MTMR9: variants seen among roughly 807,000 people sequenced by gnomAD.
The protein encoded by MTMR9 is myotubularin related protein 9, also known as myotubularin-related protein 9.
MTMR9 carries 39 observed loss-of-function variants against 69.5 expected under a neutral mutation model. The observed-to-expected ratio is 0.56, with a 90% CI of 0.43 to 0.73. The LOEUF is 0.73. Among genes scored for constraint, MTMR9 ranks in the 30% least tolerant of loss-of-function variants. The pLI, the probability that MTMR9 is intolerant of heterozygous loss-of-function variation, is 0.00. For synonymous variants in MTMR9, 354 were observed against 240.8 expected, an observed-to-expected ratio of 1.47 and a Z score of -4.35; for missense variants, 900 against 671.2, an observed-to-expected ratio of 1.34 and a Z score of -3.77.
chr8:11,309,185 G>A (rs912082993), intron 5 of MTMR9, among the ~76,000 whole-genome samples: 2 of 151,988 alleles, frequency 1.3e-5, no homozygotes, highest in Non-Finnish European at 2.9e-5. Flanking sequence ...GTGTTAGATC[G>A]GTGGGAACAG....
chr8:11,329,854 C>T (rs1405742499), downstream of MTMR9, among the ~76,000 whole-genome samples: 4 of 151,922 alleles, frequency 2.6e-5, no homozygotes, highest in Admixed American at 6.5e-5. Context: ...GCCGCCATCC[C>T]GTCTAGGAAG....
At chr8:11,305,938 T>A (rs1176803927) in intron 4 of MTMR9, among the ~76,000 whole-genome samples, 1 of 152,224 alleles carries the variant, frequency 6.6e-6, no homozygotes, top group African/African-American at 2.4e-5. Context: ...ATATTTGATC[T>A]TAAAGAGGAG....
At chr8:11,298,299 C>G (rs1224374219) in intron 2 of MTMR9, among the ~76,000 whole-genome samples, 2 of 151,968 alleles carry the variant, frequency 1.3e-5, no homozygotes, top group Non-Finnish European at 2.9e-5. Flanking sequence ...GACGGCAGCC[C>G]TGAGTTAGGT....
At chr8:11,331,753 C>T (rs147147399), downstream of MTMR9, 49 of 1,611,952 alleles carry the variant, frequency 3.0e-5, no homozygotes, top group African/African-American at 5.9e-4. Context: ...CTGCACTTTC[C>T]CTCCTGCCTC....
chr8:11,300,527 A>AT (rs1316903302), intron 3 of MTMR9: 1 of 152,648 alleles, frequency 6.6e-6, no homozygotes, highest in East Asian at 1.9e-4. Flanking sequence ...CAGCTTTAAA[A>AT]TTTTTACTAG....
Position 11,309,573 on chromosome 8 carries a change from A to G in MTMR9, c.856A>G (p.Asn286Asp), listed in dbSNP as rs1800108436. The G allele has an allele frequency of 6.2e-7, 1 of 1,613,888 alleles. No individual in the cohort carries two copies. Among genetic ancestry groups the G allele is most frequent in the Non-Finnish European group, 8.5e-7 (1 of 1,179,812 alleles). Residue 286 changes from asparagine (N) to aspartate (D), a missense_variant, in exon 6 of 10, where the codon AAT (asparagine) becomes GAT (aspartate). Coordinates refer to ENST00000221086, the MANE Select transcript of MTMR9 (RefSeq NM_015458.4). ...ESLIKLVEACNDQTHNMDRWL... is the reference protein window; with the variant it reads ...ESLIKLVEACDDQTHNMDRWL... The stretch of plus-strand genomic sequence containing the variant: ...CTTAATCAAACTTGTGGAAGCTTGT[A>G]ATGACCAAACACATAACATGGACCG...
chr8:11,329,951 C>T (rs1346545748), downstream of MTMR9, among the ~76,000 whole-genome samples: 5 of 150,996 alleles, frequency 3.3e-5, no homozygotes, highest in Admixed American at 6.6e-5. Flanking sequence ...AGGTGAGAAG[C>T]GTCTCTGCCC....
At chr8:11,332,531 A>G (rs561971180), downstream of MTMR9, among the ~76,000 whole-genome samples, 1 of 152,262 alleles carries the variant, frequency 6.6e-6, no homozygotes, top group East Asian at 1.9e-4. Flanking sequence ...GAAATTTTGT[A>G]GCTGAAACGT....
At chr8:11,285,673 A>T (rs1799122053) in intron 1 of MTMR9, among the ~76,000 whole-genome samples, 1 of 152,162 alleles carries the variant, frequency 6.6e-6, no homozygotes, top group African/African-American at 2.4e-5. Flanking sequence ...AAGGAAAGGC[A>T]TGGACCAGTT....
At chr8:11,330,860 G>A (rs368965994), downstream of MTMR9, 23 of 680,910 alleles carry the variant, frequency 3.4e-5, no homozygotes, top group East Asian at 4.3e-4. Flanking sequence ...CTCCACTATT[G>A]TCCTATGACC....
chr8:11,307,735 C>G (rs1214616161), intron 5 of MTMR9, among the ~76,000 whole-genome samples: 2 of 152,126 alleles, frequency 1.3e-5, no homozygotes, highest in Non-Finnish European at 2.9e-5. Context: ...TTAGTAATAG[C>G]CATTCTAACA....
chr8:11,320,738 T>G (rs886975944), intron 9 of MTMR9: 10 of 152,094 alleles, frequency 6.6e-5, no homozygotes, highest in African/African-American at 2.4e-4. Context: ...CTCAAAAAGA[T>G]AAAAATAAAG....
rs770411542 is a variant in MTMR9, at chr8:11,325,470, C to T, written c.*2682C>T. ...AGCAAGCAGATTGCCCCAGAGGGGC[C>T]GGTAATAATCACGTGAGGGATAATC... On this transcript the variant is annotated 3_prime_UTR_variant, in exon 10 of 10. Transcript: ENST00000221086. 18 of 152,082 alleles carry T rather than the reference C, an allele frequency of 1.2e-4. No homozygotes were observed. The highest frequency in any genetic ancestry group is 7.7e-4 in the East Asian group (4 of 5,186). 9.4% of individuals were successfully genotyped at this position (152,082 alleles called of 1,614,324 possible). A position where few individuals can be genotyped will look rare whatever the true frequency, so the allele number is the denominator to read the frequency against.
Position 11,298,314 on chromosome 8 carries a change from C to G in MTMR9, c.292-1709C>G, listed in dbSNP as rs3808516. On this transcript the variant is annotated intron_variant, in intron 2 of 9. Transcript: ENST00000221086. Reference sequence around the variant, plus strand: ...GACGGCAGCCCTGAGTTAGGTCAGACATGGACGCTGGCTGTTCTGCTTCTG... The same window carrying G: ...GACGGCAGCCCTGAGTTAGGTCAGAGATGGACGCTGGCTGTTCTGCTTCTG... Among the ~76,000 whole-genome samples the G allele has an allele frequency of 2.5e-3, 385 of 152,078 alleles. 1 individual carries two copies. The highest frequency in any genetic ancestry group is 8.9e-3 in the African/African-American group (370 of 41,490).
intron 3 of MTMR9, among the ~76,000 whole-genome samples, chr8:11,302,958 A>C (rs1456395940): frequency 6.6e-6 from 1 of 151,974 alleles, no homozygotes; most frequent in Non-Finnish European, 1.5e-5. Flanking sequence ...TATGGAAAAA[A>C]TTTTGAAAGC....
At chr8:11,305,636 A>G (rs1019369007) in intron 4 of MTMR9, among the ~76,000 whole-genome samples, 1 of 152,252 alleles carries the variant, frequency 6.6e-6, no homozygotes, top group African/African-American at 2.4e-5. Context: ...GGTAGTTTTT[A>G]GAAACAAGTA....
intron 3 of MTMR9, among the ~76,000 whole-genome samples, chr8:11,300,942 G>C (rs534744000): frequency 6.6e-6 from 1 of 152,140 alleles, no homozygotes; most frequent in Non-Finnish European, 1.5e-5. Context: ...AGCTTTGCAG[G>C]TCATGTGGTC....
chr8:11,298,984 G>T (rs901584182), intron 2 of MTMR9: 1 of 616,084 alleles, frequency 1.6e-6, no homozygotes, highest in Non-Finnish European at 2.0e-6. Flanking sequence ...ACCAGTCTAG[G>T]AAGAGAGGAA....
intron 5 of MTMR9, among the ~76,000 whole-genome samples, chr8:11,308,952 A>G (rs1391669931): frequency 1.3e-5 from 2 of 152,248 alleles, no homozygotes; most frequent in Middle Eastern, 3.4e-3. Context: ...CACTGAACAG[A>G]TTTGCTACAT....
Sources: allele counts gnomAD v4.1 joint callset (sites outside exome capture counted in the v4.1 genomes callset), GRCh38; gene constraint gnomAD v4.1.1; transcripts MANE v1.5; gene names NCBI Gene and HGNC (gene_info 2026-07-23, HGNC 2026-07-21).